Variants in CFAP77 observed in about 807,000 individuals in gnomAD.
The protein encoded by CFAP77 is cilia- and flagella-associated protein 77.
In CFAP77, 25 loss-of-function variants were observed where a neutral mutation model predicts 31.1. The observed-to-expected ratio is 0.80, with a 90% confidence interval of 0.59 to 1.12. The LOEUF is 1.12. Among genes scored for constraint, CFAP77 ranks in the 50% most tolerant of loss-of-function variants. The probability of loss-of-function intolerance (pLI) is 0.00; values close to 1 mark genes in which losing one functional copy is unlikely to be tolerated. For synonymous variants in CFAP77, 151 were observed against 159.9 expected, an observed-to-expected ratio of 0.94 and a Z score of 0.42; for missense variants, 377 against 397.3, an observed-to-expected ratio of 0.95 and a Z score of 0.44.
intron 3 of CFAP77, among the ~76,000 whole-genome samples, chr9:132,502,333 G>A (rs1045420810): frequency 6.8e-6 from 1 of 146,508 alleles, no homozygotes; most frequent in South Asian, 2.2e-4. Context: ...ATTTTTTATT[G>A]TGGTAAAATA....
At chr9:132,493,843 C>CTTTCT (rs969358705) in intron 1 of CFAP77, among the ~76,000 whole-genome samples, 30 of 151,778 alleles carry the variant, frequency 2.0e-4, no homozygotes, top group East Asian at 9.6e-4. Flanking sequence ...TTTTTCTTTC[C>CTTTCT]TTTCTTTTCT....
chr9:132,522,389 G>C (rs572253022), intron 3 of CFAP77, among the ~76,000 whole-genome samples: 1 of 152,120 alleles, frequency 6.6e-6, no homozygotes, highest in Non-Finnish European at 1.5e-5. Context: ...TCTGGGCTTC[G>C]CTTCCCATTC....
At chr9:132,415,184 C>A (rs1043965855) in intron 1 of CFAP77, among the ~76,000 whole-genome samples, 2 of 152,166 alleles carry the variant, frequency 1.3e-5, no homozygotes, top group Non-Finnish European at 2.9e-5. Context: ...ATCCTAATGG[C>A]CCCATCTTGG....
chr9:132,410,304 C>A lies in CFAP77; in HGVS notation c.33C>A (p.Leu11=), dbSNP rs554068836. The stretch of plus-strand genomic sequence containing the variant: ...AGGCCAGGAGCTCCGGCCCGGACCT[C>A]ACGCGATGGAGGAAGCAGCAGCAGC... MPEARSSGPD[L]TRWRKQQQPV... Residue 11 remains leucine, a synonymous_variant, in exon 1 of 6, where the codon CTC becomes CTA. Coordinates refer to ENST00000393216, the MANE Select transcript of CFAP77 (RefSeq NM_001282957.2). 2.0e-5 allele frequency: 32 copies of A among 1,593,324 alleles called. 1 individual carries two copies. Among genetic ancestry groups the A allele is most frequent in the African/African-American group, 1.4e-4 (10 of 72,832 alleles).
Position 132,499,371 on chromosome 9 carries a change from G to T in CFAP77, c.296-1G>T. The T allele has an allele frequency of 1.2e-6, 2 of 1,613,840 alleles. No homozygotes were observed. The highest frequency in any genetic ancestry group is 1.7e-6 in the Non-Finnish European group (2 of 1,179,932). Reference sequence around the variant, plus strand: ...CCCCGTGGGTCTCTCCCTGCCCTCAGCCATCGGACGCTGGAACGTGTTCAA... The same window carrying T: ...CCCCGTGGGTCTCTCCCTGCCCTCATCCATCGGACGCTGGAACGTGTTCAA... On this transcript the variant is annotated splice_acceptor_variant, in intron 2 of 5. Coordinates refer to ENST00000393216, the MANE Select transcript of CFAP77 (RefSeq NM_001282957.2). LOFTEE classifies it high-confidence loss of function. This position sits in a 1 kb window ranked among gnomAD's most constrained non-coding sequence, Gnocchi z 5.4.
chr9:132,504,529 T>G (rs1462395761), intron 3 of CFAP77, among the ~76,000 whole-genome samples: 5 of 152,190 alleles, frequency 3.3e-5, no homozygotes, highest in African/African-American at 1.2e-4. Flanking sequence ...GACATTAACA[T>G]TAATTGCACA....
chr9:132,474,458 C>T (rs566711889), intron 1 of CFAP77, among the ~76,000 whole-genome samples: 131 of 152,258 alleles, frequency 8.6e-4, no homozygotes, highest in Admixed American at 5.1e-3. Context: ...GCTGGTGGGG[C>T]GCAGGGATGC....
intron 1 of CFAP77, among the ~76,000 whole-genome samples, chr9:132,434,989 A>G (rs1850478425): frequency 6.6e-6 from 1 of 152,186 alleles, no homozygotes. Flanking sequence ...ATAAATCCCA[A>G]TATTACGCTT....
At chr9:132,426,388 G>T (rs2131685425) in intron 1 of CFAP77, among the ~76,000 whole-genome samples, 1 of 152,248 alleles carries the variant, frequency 6.6e-6, no homozygotes, top group South Asian at 2.1e-4. Flanking sequence ...TTTAAAAGTA[G>T]GATCCCGTTT....
At chr9:132,425,577 GT>G (rs953109250) in intron 1 of CFAP77, among the ~76,000 whole-genome samples, 7 of 152,092 alleles carry the variant, frequency 4.6e-5, no homozygotes, top group African/African-American at 9.7e-5. Context: ...TCTTGCTTGT[GT>G]TTTTTCCCCC....
intron 5 of CFAP77, among the ~76,000 whole-genome samples, chr9:132,550,078 G>T (rs1449025563): frequency 1.3e-5 from 2 of 152,186 alleles, no homozygotes; most frequent in African/African-American, 4.8e-5. Flanking sequence ...CAGAGTCTGG[G>T]AGTGTCTGTG....
chr9:132,525,166 T>C (rs559019523), intron 3 of CFAP77, among the ~76,000 whole-genome samples: 4 of 151,226 alleles, frequency 2.6e-5, no homozygotes, highest in African/African-American at 7.3e-5. Flanking sequence ...ACTACAGGCA[T>C]GCGCCACCAC....
intron 1 of CFAP77, among the ~76,000 whole-genome samples, chr9:132,449,553 T>G (rs777205622): frequency 1.3e-5 from 2 of 152,236 alleles, no homozygotes; most frequent in South Asian, 4.1e-4. Flanking sequence ...TTCCATCATA[T>G]GGGCTACCAC....
intron 1 of CFAP77, among the ~76,000 whole-genome samples, chr9:132,411,226 G>A (rs1849992114): frequency 6.6e-6 from 1 of 152,218 alleles, no homozygotes; most frequent in Non-Finnish European, 1.5e-5. Context: ...AAGCCTCGAG[G>A]CGAATTTATC....
intron 1 of CFAP77, among the ~76,000 whole-genome samples, chr9:132,451,972 T>C (rs12005319): frequency 6.6e-6 from 1 of 151,768 alleles, no homozygotes; most frequent in East Asian, 1.9e-4. Context: ...GCCCGACTAA[T>C]TTTTTATATT....
At chr9:132,559,649 C>T (rs1564252659) in intron 5 of CFAP77, among the ~76,000 whole-genome samples, 3 of 152,100 alleles carry the variant, frequency 2.0e-5, no homozygotes, top group Non-Finnish European at 4.4e-5. Flanking sequence ...ACATAGAGCT[C>T]CCGTATCACC....
At chr9:132,507,211 C>T (rs1851946099) in intron 3 of CFAP77, among the ~76,000 whole-genome samples, 1 of 152,236 alleles carries the variant, frequency 6.6e-6, no homozygotes, top group African/African-American at 2.4e-5. Flanking sequence ...GCCTGCTTTT[C>T]TCACGCCAGG....
At chr9:132,544,798 C>T (rs1382481106) in intron 5 of CFAP77, among the ~76,000 whole-genome samples, 1 of 152,154 alleles carries the variant, frequency 6.6e-6, no homozygotes, top group Non-Finnish European at 1.5e-5. Context: ...GCTCAGCTAC[C>T]TCCCTGCTCC....
In CFAP77 at chr9:132,498,689, C is replaced by T. The variant is rs370572501; in HGVS notation, c.196-6C>T. Reference sequence around the variant, plus strand: ...TCACCTCTGCTCTCTGTCCTTCCCCCGACAGGCTGAACTCGGCAAGCCCCG... The same window carrying T: ...TCACCTCTGCTCTCTGTCCTTCCCCTGACAGGCTGAACTCGGCAAGCCCCG... On this transcript the variant is annotated splice_region_variant and splice_polypyrimidine_tract_variant and intron_variant, in intron 1 of 5. Transcript: ENST00000393216. The surrounding 1 kb of genome is among the most constrained non-coding windows in gnomAD (Gnocchi z 4.2). 235 of 1,607,100 alleles carry T rather than the reference C, an allele frequency of 1.5e-4. No individual in the cohort carries two copies. Among genetic ancestry groups the T allele is most frequent in the Non-Finnish European group, 1.9e-4 (221 of 1,175,686 alleles).
Sources: gnomAD v4.1 joint callset for allele counts (sites outside exome capture counted in the v4.1 genomes callset) on GRCh38, gnomAD v4.1.1 for gene constraint, Gnocchi (gnomAD v3.1) non-coding constraint, MANE v1.5 for transcripts, NCBI Gene and HGNC (gene_info 2026-07-23, HGNC 2026-07-21) for gene names.